The following AGMO variants were observed in gnomAD, a reference collection of about 807,000 sequenced individuals.
AGMO encodes the protein glyceryl-ether monooxygenase.
AGMO carries 75 observed loss-of-function variants against 60.2 expected under a neutral mutation model. That is an observed-to-expected ratio of 1.25 (90% CI 1.03 to 1.51). AGMO has a LOEUF of 1.51. Among genes scored for constraint, AGMO ranks in the 40% most tolerant of loss-of-function variants. The pLI, the probability that AGMO is intolerant of heterozygous loss-of-function variation, is 0.00. For synonymous variants in AGMO, 261 were observed against 177.1 expected, an observed-to-expected ratio of 1.47 and a Z score of -3.76; for missense variants, 763 against 525.5, an observed-to-expected ratio of 1.45 and a Z score of -4.42.
intron 3 of AGMO, among the ~76,000 whole-genome samples, chr7:15,436,326 T>TCA (rs35642031): frequency 0.71 from 108,157 of 151,704 alleles, 39,104 homozygotes; most frequent in Middle Eastern, 0.81. Context: ...AGGTTAGAGT[T>TCA]GTTTCTGTGC....
chr7:15,287,257 T>C (rs1271372264), intron 12 of AGMO, among the ~76,000 whole-genome samples: 1 of 152,126 alleles, frequency 6.6e-6, no homozygotes, highest in East Asian at 1.9e-4. Context: ...CATGAAACCA[T>C]GGGCAAAAAT....
At chr7:15,153,849 CA>C in the AGMO span, among the ~76,000 whole-genome samples, 101 of 152,144 alleles carry the variant, frequency 6.6e-4, no homozygotes, top group Admixed American at 5.4e-3. Flanking sequence ...ATGAATGCTA[CA>C]TTTTTTTTCT....
chr7:15,529,207 GTTA>G (rs1418347549), intron 3 of AGMO, among the ~76,000 whole-genome samples: 1 of 151,750 alleles, frequency 6.6e-6, no homozygotes, highest in Non-Finnish European at 1.5e-5. Flanking sequence ...AAAGAAAAAT[GTTA>G]TTATTATTGG....
chr7:15,539,518 C>A (rs547556825), intron 3 of AGMO, among the ~76,000 whole-genome samples: 18 of 152,238 alleles, frequency 1.2e-4, no homozygotes, highest in Admixed American at 6.5e-4. Context: ...ATATATACCA[C>A]ATTTTCTTTA....
chr7:15,438,030 T>G (rs548797926), intron 3 of AGMO, among the ~76,000 whole-genome samples: 5 of 152,232 alleles, frequency 3.3e-5, no homozygotes, highest in African/African-American at 9.6e-5. Context: ...AGTTCTAGTA[T>G]GCAGAATTTA....
chr7:15,406,059 C>T (rs1272010260), intron 5 of AGMO, among the ~76,000 whole-genome samples: 2 of 151,698 alleles, frequency 1.3e-5, no homozygotes, highest in Non-Finnish European at 2.9e-5. Flanking sequence ...TTTAGACAGT[C>T]CAGCTTCAGG....
At chr7:15,251,454 G>A (rs574309808) in intron 12 of AGMO, among the ~76,000 whole-genome samples, 48 of 152,188 alleles carry the variant, frequency 3.2e-4, no homozygotes, top group Admixed American at 6.5e-4. Context: ...AAGAAAGGGA[G>A]CAACTACATT....
intron 3 of AGMO, among the ~76,000 whole-genome samples, chr7:15,459,178 C>T (rs968142070): frequency 6.6e-6 from 1 of 152,142 alleles, no homozygotes; most frequent in Non-Finnish European, 1.5e-5. Flanking sequence ...TGCAGACACA[C>T]ACACGGGTTT....
chr7:15,237,622 A>C (rs537162684), intron 12 of AGMO, among the ~76,000 whole-genome samples: 44 of 152,210 alleles, frequency 2.9e-4, no homozygotes, highest in African/African-American at 9.6e-4. Context: ...TAATAAATCA[A>C]GATAAAAGTT....
intron 5 of AGMO, among the ~76,000 whole-genome samples, chr7:15,414,917 G>C (rs550362499): frequency 2.0e-5 from 3 of 151,932 alleles, no homozygotes; most frequent in Non-Finnish European, 4.4e-5. Context: ...ATAATAAATG[G>C]GGCTATAGTG....
chr7:15,232,280 C>T (rs1243025375), intron 12 of AGMO, among the ~76,000 whole-genome samples: 9 of 152,168 alleles, frequency 5.9e-5, no homozygotes, highest in Admixed American at 3.3e-4. Context: ...GGAGGTGCCA[C>T]AAGTATCCAC....
At chr7:15,272,105 A>T (rs922484814) in intron 12 of AGMO, among the ~76,000 whole-genome samples, 1 of 151,758 alleles carries the variant, frequency 6.6e-6, no homozygotes, top group African/African-American at 2.4e-5. Context: ...ATTTTTGCAT[A>T]TATGTTTATC....
intron 12 of AGMO, among the ~76,000 whole-genome samples, chr7:15,343,524 A>T (rs970925427): frequency 1.3e-5 from 2 of 152,174 alleles, no homozygotes; most frequent in African/African-American, 4.8e-5. Flanking sequence ...GGCATCTATA[A>T]TATCTTAGTC....
intron 12 of AGMO, among the ~76,000 whole-genome samples, chr7:15,322,631 A>AAT (rs1221099622): frequency 8.0e-5 from 4 of 50,122 alleles, no homozygotes; most frequent in South Asian, 5.4e-4. Context: ...AATATATATA[A>AAT]ATATATATAA....
At chr7:15,244,658 G>GT (rs1339519183) in intron 12 of AGMO, among the ~76,000 whole-genome samples, 4 of 151,694 alleles carry the variant, frequency 2.6e-5, no homozygotes, top group Non-Finnish European at 4.4e-5. Context: ...TGTTTGTTTT[G>GT]TTTTTTTGGA....
At chr7:15,483,885 AAGTT>A (rs1193655613) in intron 3 of AGMO, among the ~76,000 whole-genome samples, 9 of 152,172 alleles carry the variant, frequency 5.9e-5, no homozygotes, top group Non-Finnish European at 1.2e-4. Context: ...AGAAAAATAA[AAGTT>A]AGAGAACCTA....
chr7:15,290,169 A>C (rs934826238), intron 12 of AGMO, among the ~76,000 whole-genome samples: 3 of 151,502 alleles, frequency 2.0e-5, no homozygotes, highest in African/African-American at 7.3e-5. Context: ...AGCTGGGATT[A>C]GAGGTATGCG....
At chr7:15,360,986 T>C (rs921663470) in intron 12 of AGMO, among the ~76,000 whole-genome samples, 1 of 152,214 alleles carries the variant, frequency 6.6e-6, no homozygotes, top group Non-Finnish European at 1.5e-5. Context: ...CCATGCCTTC[T>C]TCACCTTAGT....
chr7:15,156,125 A>G, the AGMO span, among the ~76,000 whole-genome samples: 2 of 152,302 alleles, frequency 1.3e-5, no homozygotes, highest in East Asian at 1.9e-4. Flanking sequence ...GTAGAGTGGC[A>G]GGGAGTCCAT....
Sources: gnomAD v4.1 joint callset for allele counts (sites outside exome capture counted in the v4.1 genomes callset) on GRCh38, gnomAD v4.1.1 for gene constraint, MANE v1.5 for transcripts, NCBI Gene and HGNC (gene_info 2026-07-23, HGNC 2026-07-21) for gene names.